SMURF1: variants seen among roughly 807,000 people sequenced by gnomAD.
The protein encoded by SMURF1 is E3 ubiquitin-protein ligase SMURF1.
Under a neutral mutation model 98.0 loss-of-function variants are expected in SMURF1, and 44 were observed. The observed-to-expected ratio is 0.45, with a 90% CI of 0.35 to 0.58. The LOEUF is 0.58. Among genes scored for constraint, SMURF1 ranks in the 20% least tolerant of loss-of-function variants. The pLI is 0.00. For synonymous variants in SMURF1, 396 were observed against 374.9 expected (o/e 1.06, Z -0.65); for missense variants, 687 against 938.4 (o/e 0.73, Z 3.50).
At chr7:99,088,843 T>C (rs1326360019) in intron 1 of SMURF1, among the ~76,000 whole-genome samples, 1 of 152,088 alleles carries the variant, frequency 6.6e-6, no homozygotes, top group Non-Finnish European at 1.5e-5. Flanking sequence ...GGTGGGTGGA[T>C]CACCTGAGGT....
intron 1 of SMURF1, among the ~76,000 whole-genome samples, chr7:99,103,955 C>T (rs1797142539): frequency 6.7e-6 from 1 of 150,264 alleles, no homozygotes; most frequent in African/African-American, 2.5e-5. Flanking sequence ...TGCAGTGGTG[C>T]GATCTCAGCT....
intron 1 of SMURF1, among the ~76,000 whole-genome samples, chr7:99,106,525 C>G (rs1584186302): frequency 6.6e-6 from 1 of 152,272 alleles, no homozygotes; most frequent in Non-Finnish European, 1.5e-5. Context: ...GTCACATGAA[C>G]TACAAGGAAA....
chr7:99,043,377 T>C (rs1036834569), intron 11 of SMURF1, among the ~76,000 whole-genome samples: 3 of 152,154 alleles, frequency 2.0e-5, no homozygotes, highest in Admixed American at 6.6e-5. Flanking sequence ...TCTCTAAGTA[T>C]CATCCCATTA....
chr7:99,072,558 A>G (rs1256316171), intron 1 of SMURF1, among the ~76,000 whole-genome samples: 1 of 152,150 alleles, frequency 6.6e-6, no homozygotes, highest in Non-Finnish European at 1.5e-5. Context: ...CAGAAGAATC[A>G]CTTGAACCTG....
rs1243389045 is a variant in SMURF1, at chr7:99,061,943, C to T, written c.56-106G>A. On this transcript the variant is annotated intron_variant, in intron 1 of 17. Coordinates refer to ENST00000361368, the MANE Select transcript of SMURF1 (RefSeq NM_181349.3). ...AAAAGACTCTAAAAATTAGCTTTGC[C>T]GAAGATTTGACTTTCAAATCTAGTA... 4.5e-5 allele frequency: 36 copies of T among 796,404 alleles called. No homozygotes were observed. In the Admixed American group the frequency reaches 9.2e-4, roughly 20 times the overall value. 49.3% of individuals were successfully genotyped at this position (796,404 alleles called of 1,614,324 possible). A position where few individuals can be genotyped will look rare whatever the true frequency, so the allele number is the denominator to read the frequency against.
intron 1 of SMURF1, among the ~76,000 whole-genome samples, chr7:99,092,073 AATACTTC>A: frequency 6.6e-6 from 1 of 152,222 alleles, no homozygotes; most frequent in Non-Finnish European, 1.5e-5. Flanking sequence ...CCATACAGAT[AATACTTC>A]CTACTTTTCA....
At chr7:99,055,190 A>C (rs2150531336) in intron 5 of SMURF1, among the ~76,000 whole-genome samples, 1 of 152,104 alleles carries the variant, frequency 6.6e-6, no homozygotes, top group South Asian at 2.1e-4. Context: ...TTTTTGGGCC[A>C]GGCACGGTGG....
intron 1 of SMURF1, among the ~76,000 whole-genome samples, chr7:99,078,847 T>C (rs945814732): frequency 3.3e-5 from 5 of 152,344 alleles, no homozygotes; most frequent in East Asian, 1.9e-4. Flanking sequence ...TGTAGAATTA[T>C]TATATATTGC....
chr7:99,052,567 G>T, intron 6 of SMURF1, 121 bp from the exon 7 acceptor site: 1 of 1,112,836 alleles, frequency 9.0e-7, no homozygotes, highest in Non-Finnish European at 1.2e-6. Flanking sequence ...CTTTAACAAC[G>T]TCCAGTGTTC....
At chr7:99,136,234 T>C (rs1797990282) in intron 1 of SMURF1, among the ~76,000 whole-genome samples, 1 of 152,188 alleles carries the variant, frequency 6.6e-6, no homozygotes, top group African/African-American at 2.4e-5. Flanking sequence ...AATAGGGTTG[T>C]CTTTTCACAT....
intron 7 of SMURF1, among the ~76,000 whole-genome samples, chr7:99,051,950 C>A (rs931676398): frequency 6.6e-6 from 1 of 152,134 alleles, no homozygotes; most frequent in African/African-American, 2.4e-5. Context: ...GAGTTTGAGA[C>A]CAGCCTGGGC....
chr7:99,122,672 C>T (rs1797662622), intron 1 of SMURF1, among the ~76,000 whole-genome samples: 1 of 148,584 alleles, frequency 6.7e-6, no homozygotes, highest in Non-Finnish European at 1.5e-5. Flanking sequence ...AAGTAGTGTC[C>T]TTGACCGCAC....
chr7:99,143,554 G>T (rs1214542430), intron 1 of SMURF1, among the ~76,000 whole-genome samples, 172 bp downstream of exon 1: 1 of 128,812 alleles, frequency 7.8e-6, no homozygotes, highest in South Asian at 2.5e-4. Context: ...GCCGGGCAAC[G>T]GCGAGGGGGC....
At chr7:99,073,696 G>C (rs1469277230) in intron 1 of SMURF1, among the ~76,000 whole-genome samples, 2 of 151,742 alleles carry the variant, frequency 1.3e-5, no homozygotes, top group Admixed American at 1.3e-4. Flanking sequence ...AACCCAGGGG[G>C]CTGAGGTTGC....
chr7:99,063,246 T>G (rs1563012612), intron 1 of SMURF1, among the ~76,000 whole-genome samples: 398 of 2,856 alleles, frequency 0.14, 40 homozygotes, highest in African/African-American at 0.21. Flanking sequence ...TTTATTTATA[T>G]ATATATATAT....
chr7:99,057,142 C>T (rs1350972183), intron 5 of SMURF1, 63 bp downstream of exon 5: 26 of 1,576,000 alleles, frequency 1.6e-5, no homozygotes, highest in East Asian at 1.1e-4. Context: ...GAGTTCTCGG[C>T]GATGAAGGGT....
intron 1 of SMURF1, among the ~76,000 whole-genome samples, chr7:99,128,926 T>A (rs2150636728): frequency 6.6e-6 from 1 of 152,354 alleles, no homozygotes; most frequent in African/African-American, 2.4e-5. Context: ...TATTTAAGCC[T>A]ACAGAATAAA....
chr7:99,034,773 C>T (rs897442812), intron 16 of SMURF1, among the ~76,000 whole-genome samples: 11 of 152,130 alleles, frequency 7.2e-5, no homozygotes, highest in Non-Finnish European at 1.5e-4. Flanking sequence ...GCAGAGGTCA[C>T]AATGGAAAAG....
intron 1 of SMURF1, among the ~76,000 whole-genome samples, chr7:99,084,241 A>G (rs1796630261): frequency 6.6e-6 from 1 of 152,144 alleles, no homozygotes; most frequent in Non-Finnish European, 1.5e-5. Flanking sequence ...AATCTATATT[A>G]CCTTGAATTA....
Sources: allele counts gnomAD v4.1 joint callset (sites outside exome capture counted in the v4.1 genomes callset), GRCh38; gene constraint gnomAD v4.1.1; transcripts MANE v1.5; gene names NCBI Gene and HGNC (gene_info 2026-07-23, HGNC 2026-07-21).